The following DIP2C variants were observed in gnomAD, a reference collection of about 807,000 sequenced individuals.
DIP2C encodes DIP2 acetate--CoA ligase C (putative), also known as disco-interacting protein 2 homolog C.
Under a neutral mutation model 192.4 loss-of-function variants are expected in DIP2C, and 33 were observed. The observed-to-expected ratio is 0.17, with a 90% confidence interval of 0.13 to 0.23. The LOEUF (loss-of-function observed/expected upper bound fraction) is 0.23. Ranked by LOEUF, DIP2C falls within the 10% of genes least tolerant of loss-of-function variation. The pLI is 1.00. For missense variants in DIP2C, 1,537 were observed against 2,110.1 expected, an observed-to-expected ratio of 0.73 and a Z score of 5.32; for synonymous variants, 979 against 864.1, an observed-to-expected ratio of 1.13 and a Z score of -2.33.
At chr10:386,229 G>A (rs1962895577) in intron 14 of DIP2C, among the ~76,000 whole-genome samples, 3 of 152,230 alleles carry the variant, frequency 2.0e-5, no homozygotes, top group Admixed American at 2.0e-4. Flanking sequence ...CAAACGTGTA[G>A]GTGGAGTGAG....
At chr10:574,329 G>A (rs544492548) in intron 1 of DIP2C, among the ~76,000 whole-genome samples, 1 of 152,330 alleles carries the variant, frequency 6.6e-6, no homozygotes, top group South Asian at 2.1e-4. Flanking sequence ...ACCAAGGATA[G>A]GAAACTGCAC....
intron 1 of DIP2C, among the ~76,000 whole-genome samples, chr10:519,302 G>A (rs549055316): frequency 6.6e-6 from 1 of 152,358 alleles, no homozygotes; most frequent in Non-Finnish European, 1.5e-5. Context: ...GAGCCCCTGG[G>A]ATGAGGTGGA....
intron 1 of DIP2C, among the ~76,000 whole-genome samples, chr10:522,358 G>C (rs1163844968): frequency 6.6e-6 from 1 of 152,186 alleles, no homozygotes; most frequent in African/African-American, 2.4e-5. Flanking sequence ...TCAAGTTTTG[G>C]CAGTTATAAA....
intron 3 of DIP2C, among the ~76,000 whole-genome samples, chr10:444,538 C>T (rs1012964507): frequency 1.8e-4 from 27 of 151,098 alleles, no homozygotes; most frequent in East Asian, 2.0e-4. Flanking sequence ...TTCCGTCACC[C>T]GAGACTTGTG....
At chr10:375,319 C>T (rs1589645702) in intron 17 of DIP2C, among the ~76,000 whole-genome samples, 1 of 152,292 alleles carries the variant, frequency 6.6e-6, no homozygotes. Context: ...ATGCAGGCTC[C>T]CACTTTGCCT....
chr10:394,566 C>A (rs76914763), intron 10 of DIP2C, among the ~76,000 whole-genome samples: 4 of 79,714 alleles, frequency 5.0e-5, no homozygotes, highest in Non-Finnish European at 1.0e-4. Flanking sequence ...AAGGACATTA[C>A]GTCACATAGT....
At chr10:362,413 A>T in intron 22 of DIP2C, 77 bp downstream of exon 22, 1 of 1,501,716 alleles carries the variant, frequency 6.7e-7, no homozygotes, top group Non-Finnish European at 9.0e-7. Context: ...GCCCTGGGTG[A>T]ACTCCCGCAC....
chr10:440,196 T>C (rs1016743021), intron 4 of DIP2C, among the ~76,000 whole-genome samples: 1 of 152,208 alleles, frequency 6.6e-6, no homozygotes, highest in African/African-American at 2.4e-5. Flanking sequence ...CAGTATTACA[T>C]AACACAAATA....
Position 689,408 on chromosome 10 carries a change from C to T in DIP2C, c.85+86G>A, listed in dbSNP as rs1831462513. 1.2e-6 allele frequency: 1 copy of T among 829,456 alleles called. No homozygotes were observed. The highest frequency in any genetic ancestry group is 5.3e-5 in the South Asian group (1 of 18,746). The allele number at this position is 829,456 out of a possible 1,614,324, so 51.4% of individuals were successfully genotyped here. On this transcript the variant is annotated intron_variant, in intron 1 of 36. Coordinates refer to ENST00000280886, the MANE Select transcript of DIP2C (RefSeq NM_014974.3). This position sits in a 1 kb window ranked among gnomAD's most constrained non-coding sequence, Gnocchi z 6.1. The stretch of plus-strand genomic sequence containing the variant: ...TCCCCCTCCGGGCCCGGCCCCCGCC[C>T]CGCCGCAGGCCCCGCGCCCCCAGCC...
chr10:678,029 C>G (rs1588753377), intron 1 of DIP2C, among the ~76,000 whole-genome samples: 1 of 152,240 alleles, frequency 6.6e-6, no homozygotes, highest in Non-Finnish European at 1.5e-5. Context: ...GCCAGCCCAG[C>G]CTCCTGCACA....
Position 390,384 on chromosome 10 carries a change from A to C in DIP2C, c.1385-11T>G, listed in dbSNP as rs1242035543. The C allele has an allele frequency of 6.2e-7, 1 of 1,611,572 alleles. No homozygotes were observed. Among genetic ancestry groups the C allele is most frequent in the Non-Finnish European group, 8.5e-7 (1 of 1,177,964 alleles). On this transcript the variant is annotated splice_polypyrimidine_tract_variant and intron_variant, in intron 11 of 36. Transcript: ENST00000280886. ...GCAGCTTTGGCCAACCTTGGAAATA[A>C]ACAACAAGTTCCTTTTAAATGTTAC...
Position 592,199 on chromosome 10 carries a change from C to T in DIP2C, c.85+97295G>A, listed in dbSNP as rs1265900343. Among the ~76,000 whole-genome samples the T allele has an allele frequency of 2.6e-5, 4 of 152,098 alleles. No individual in the cohort carries two copies. The East Asian group carries it at 7.7e-4, about 29-fold the overall frequency. Reference sequence around the variant, plus strand: ...TAAAGTGAATTCCAAGTGTAATAATCGGAGGACCCATTCAGATGACTTCAG... The same window carrying T: ...TAAAGTGAATTCCAAGTGTAATAATTGGAGGACCCATTCAGATGACTTCAG... On this transcript the variant is annotated intron_variant, in intron 1 of 36. Coordinates refer to ENST00000280886, the MANE Select transcript of DIP2C (RefSeq NM_014974.3).
chr10:676,609 A>C (rs888472234), intron 1 of DIP2C, among the ~76,000 whole-genome samples: 9 of 152,176 alleles, frequency 5.9e-5, no homozygotes, highest in Non-Finnish European at 1.2e-4. Flanking sequence ...ATTTCTATAG[A>C]CCAACAATGA....
chr10:346,583 C>T (rs1439700339), intron 26 of DIP2C, among the ~76,000 whole-genome samples: 26 of 131,314 alleles, frequency 2.0e-4, no homozygotes, highest in Non-Finnish European at 2.7e-4. Context: ...CCTGGAAACC[C>T]CACACTCACC....
At position 459,245 on chromosome 10, in the gene DIP2C, T is replaced by C. The variant is rs538671350; in HGVS notation, c.268+13194A>G. On this transcript the variant is annotated intron_variant, in intron 3 of 36. Coordinates refer to ENST00000280886, the MANE Select transcript of DIP2C (RefSeq NM_014974.3). ...AGCCTTGGAAAAACCCACTGTGCACTCAGGAGACAAAGAGTCAACAGGAGA... is the reference window on the plus strand; with the variant it reads ...AGCCTTGGAAAAACCCACTGTGCACCCAGGAGACAAAGAGTCAACAGGAGA... 4.1e-5 allele frequency among the ~76,000 whole-genome samples: 6 copies of C among 145,738 alleles called. No individual in the cohort carries two copies. In the South Asian group the frequency reaches 1.3e-3, roughly 32 times the overall value.
chr10:344,965 T>A (rs769345321), intron 27 of DIP2C, 34 bp downstream of exon 27: 32 of 1,607,318 alleles, frequency 2.0e-5, no homozygotes, highest in Non-Finnish European at 2.5e-5. Flanking sequence ...AGCAAGGCCG[T>A]GAGCAAACCA....
In DIP2C at chr10:666,460, C is replaced by G. The variant is rs1350623549; in HGVS notation, c.85+23034G>C. ...GCACCCAGAGCCCGGCCCGCGGCAG[C>G]AGAATCACCCAAGACTGAGATCCTG... On this transcript the variant is annotated intron_variant, in intron 1 of 36. Coordinates refer to ENST00000280886, the MANE Select transcript of DIP2C (RefSeq NM_014974.3). The surrounding 1 kb of genome is among the most constrained non-coding windows in gnomAD (Gnocchi z 4.1). The G allele has an allele frequency of 1.3e-5, 2 of 152,454 alleles. No homozygotes were observed. Among genetic ancestry groups the G allele is most frequent in the East Asian group, 3.9e-4 (2 of 5,188 alleles). The allele number at this position is 152,454 out of a possible 1,614,324, so 9.4% of individuals were successfully genotyped here.
chr10:534,516 G>A lies in DIP2C; in HGVS notation c.86-47986C>T, dbSNP rs1224817536. ...CTTTAAAAAAAGATACAACATCGGTGTTTTGCTGATTGACAATATTTCAAT... is the reference window on the plus strand; with the variant it reads ...CTTTAAAAAAAGATACAACATCGGTATTTTGCTGATTGACAATATTTCAAT... On this transcript the variant is annotated intron_variant, in intron 1 of 36. Coordinates refer to ENST00000280886, the MANE Select transcript of DIP2C (RefSeq NM_014974.3). 2.0e-5 allele frequency among the ~76,000 whole-genome samples: 3 copies of A among 152,192 alleles called. No individual in the cohort carries two copies. The East Asian group carries it at 5.8e-4, about 29-fold the overall frequency.
At chr10:304,540 T>C (rs1443401320) in intron 32 of DIP2C, among the ~76,000 whole-genome samples, 1 of 129,278 alleles carries the variant, frequency 7.7e-6, no homozygotes, top group Non-Finnish European at 1.6e-5. Flanking sequence ...TACACATGTA[T>C]GTATGCACAC....
Sources: gnomAD v4.1 joint callset for allele counts (sites outside exome capture counted in the v4.1 genomes callset) on GRCh38, gnomAD v4.1.1 for gene constraint, Gnocchi (gnomAD v3.1) non-coding constraint, MANE v1.5 for transcripts, NCBI Gene and HGNC (gene_info 2026-07-23, HGNC 2026-07-21) for gene names.